The following SMOC1 variants were observed in gnomAD, a reference collection of about 807,000 sequenced individuals.
The protein encoded by SMOC1 is SPARC related modular calcium binding 1.
In SMOC1, 22 loss-of-function variants were observed where a neutral mutation model predicts 56.3. That is an observed-to-expected ratio of 0.39 (90% CI 0.28 to 0.56). SMOC1 has a LOEUF of 0.56. SMOC1 is among the 20% of genes least tolerant of loss of function. SMOC1 has a pLI of 0.61. For synonymous variants in SMOC1, 193 were observed against 215.0 expected, an observed-to-expected ratio of 0.90 and a Z score of 0.89; for missense variants, 509 against 565.4, an observed-to-expected ratio of 0.90 and a Z score of 1.01.
intron 1 of SMOC1, among the ~76,000 whole-genome samples, chr14:69,944,062 G>A (rs1347090876): frequency 6.6e-6 from 1 of 152,186 alleles, no homozygotes. Flanking sequence ...ATTCATTCAA[G>A]CCATACATAT....
chr14:70,030,307 A>G lies in SMOC1; in HGVS notation c.*49A>G. The stretch of plus-strand genomic sequence containing the variant: ...TGGAGAGTCCAGGGAGGCAGGATGG[A>G]TCACCAGACACCTAACCTTCAGCGT... On this transcript the variant is annotated 3_prime_UTR_variant, in exon 12 of 12. Transcript: ENST00000361956. The G allele has an allele frequency of 6.2e-7, 1 of 1,610,314 alleles. No individual in the cohort carries two copies. Among genetic ancestry groups the G allele is most frequent in the Non-Finnish European group, 8.5e-7 (1 of 1,178,392 alleles).
chr14:69,888,171 A>G (rs997803664), intron 1 of SMOC1, among the ~76,000 whole-genome samples: 9 of 152,272 alleles, frequency 5.9e-5, no homozygotes, highest in Middle Eastern at 3.4e-3. Context: ...GCCGCCAAAC[A>G]GGGTTAGATT....
chr14:70,021,595 G>A (rs896776919), intron 10 of SMOC1, among the ~76,000 whole-genome samples: 8 of 152,118 alleles, frequency 5.3e-5, no homozygotes, highest in African/African-American at 1.9e-4. Flanking sequence ...AGGTCCCCTT[G>A]GCAGATCCAC....
At position 69,879,512 on chromosome 14, in the gene SMOC1, A is replaced by G; in HGVS notation, c.-167A>G. ...CTCCAGCTCCCCTCCTGCGCGGTTCATGACTGTGTCCCCTGACCGCAGCCT... is the reference window on the plus strand; with the variant it reads ...CTCCAGCTCCCCTCCTGCGCGGTTCGTGACTGTGTCCCCTGACCGCAGCCT... On this transcript the variant is annotated 5_prime_UTR_variant, in exon 1 of 12. An upstream start codon of the reference 5' UTR is lost. Transcript: ENST00000361956. 4.2e-6 allele frequency: 2 copies of G among 478,122 alleles called. No homozygotes were observed. The highest frequency in any genetic ancestry group is 3.5e-6 in the Non-Finnish European group (1 of 286,450). 29.6% of individuals were successfully genotyped at this position (478,122 alleles called of 1,614,324 possible).
At position 69,992,483 on chromosome 14, in the gene SMOC1, T is replaced by C. The variant is rs770535227; in HGVS notation, c.583+10T>C. The C allele has an allele frequency of 6.2e-7, 1 of 1,606,606 alleles. No homozygotes were observed. Among genetic ancestry groups the C allele is most frequent in the South Asian group, 1.1e-5 (1 of 90,950 alleles). On this transcript the variant is annotated intron_variant, in intron 6 of 11. Transcript: ENST00000361956. The stretch of plus-strand genomic sequence containing the variant: ...GTGTTCGATGGAGATGGTAAGATCT[T>C]GCATTACTTCTGATGTTCATTCTCC...
chr14:69,948,423 G>A (rs1480706674), intron 1 of SMOC1, among the ~76,000 whole-genome samples: 1 of 152,150 alleles, frequency 6.6e-6, no homozygotes, highest in South Asian at 2.1e-4. Flanking sequence ...TGTGTGTTGG[G>A]ATGGGTGGGG....
intron 1 of SMOC1, among the ~76,000 whole-genome samples, chr14:69,898,982 G>C (rs1305556866): frequency 2.0e-5 from 3 of 152,108 alleles, no homozygotes; most frequent in African/African-American, 7.2e-5. Context: ...TTAGGTCTCA[G>C]TTTTTTGGTG....
intron 7 of SMOC1, among the ~76,000 whole-genome samples, chr14:70,002,577 A>G (rs930521084): frequency 6.6e-6 from 1 of 152,140 alleles, no homozygotes; most frequent in East Asian, 1.9e-4. Context: ...TCTGAGTCAC[A>G]TAGATGTTGA....
At chr14:69,931,117 C>T (rs191840024) in intron 1 of SMOC1, among the ~76,000 whole-genome samples, 6 of 152,324 alleles carry the variant, frequency 3.9e-5, no homozygotes, top group Non-Finnish European at 8.8e-5. Flanking sequence ...TCTTTCTGGG[C>T]CACAGAACTG....
intron 1 of SMOC1, among the ~76,000 whole-genome samples, chr14:69,892,152 T>C (rs1266461145): frequency 1.3e-5 from 2 of 152,228 alleles, no homozygotes; most frequent in Non-Finnish European, 2.9e-5. Flanking sequence ...GGTTTCTGTC[T>C]TTGGTGTCAG....
chr14:69,932,671 G>A (rs922973281), intron 1 of SMOC1, among the ~76,000 whole-genome samples: 1 of 152,200 alleles, frequency 6.6e-6, no homozygotes, highest in African/African-American at 2.4e-5. Flanking sequence ...GCGGCTTTGT[G>A]GTCCTGGGGA....
chr14:69,987,038 G>C (rs1403697989), intron 5 of SMOC1, among the ~76,000 whole-genome samples: 1 of 152,160 alleles, frequency 6.6e-6, no homozygotes. Context: ...GGCTCTTAAG[G>C]GACTTTTGCA....
intron 1 of SMOC1, among the ~76,000 whole-genome samples, chr14:69,910,735 A>G (rs1884536801): frequency 6.6e-6 from 1 of 152,118 alleles, no homozygotes; most frequent in Non-Finnish European, 1.5e-5. Context: ...GTCAAGTCAA[A>G]TGCACCTCTG....
rs371175969 is a variant in SMOC1 at position 69,955,799 on chromosome 14, T to A, written c.378+2267T>A. 8.8e-4 allele frequency among the ~76,000 whole-genome samples: 134 copies of A among 152,366 alleles called. 6 individuals carry two copies. In the South Asian group the frequency reaches 0.027, roughly 31 times the overall value. On this transcript the variant is annotated intron_variant, in intron 3 of 11. Transcript: ENST00000361956. The stretch of plus-strand genomic sequence containing the variant: ...ATTCTGGTAAAAAGAATGTGGGTGA[T>A]CTTTGTATATATTTAAAACTGCATT...
intron 7 of SMOC1, among the ~76,000 whole-genome samples, chr14:70,008,327 A>G (rs1230830470): frequency 6.6e-6 from 1 of 152,130 alleles, no homozygotes; most frequent in East Asian, 1.9e-4. Flanking sequence ...TTTTGTAAAG[A>G]CATAGTCTTG....
At chr14:70,019,230 A>C (rs1289571007) in intron 10 of SMOC1, among the ~76,000 whole-genome samples, 1 of 152,252 alleles carries the variant, frequency 6.6e-6, no homozygotes, top group East Asian at 1.9e-4. Context: ...TGGAGGCAGA[A>C]GTCAACAGGA....
intron 7 of SMOC1, among the ~76,000 whole-genome samples, chr14:70,002,779 GCTTGAAACCATAGGTGCTAAAACC>G (rs1177566298): frequency 1.3e-5 from 2 of 152,192 alleles, no homozygotes; most frequent in East Asian, 3.8e-4. Flanking sequence ...CACATAGTTG[GCTTGAAACCATAGGTGCTAAAACC>G]CCCTGTGGCT....
Position 70,023,291 on chromosome 14 carries a change from A to G in SMOC1, c.1135A>G (p.Ile379Val). 1 of 1,614,186 alleles carries G rather than the reference A, an allele frequency of 6.2e-7. No homozygotes were observed. The highest frequency in any genetic ancestry group is 8.5e-7 in the Non-Finnish European group (1 of 1,180,030). ...GCTGGACAGCAATAGCAGCAACGAC[A>G]TTAACAAGCGGGAGATGAAGCCCTT... ...SQLDSNSSNDINKREMKPFKR... is the reference protein window; with the variant it reads ...SQLDSNSSNDVNKREMKPFKR... The change falls in exon 11 of 12, where the codon ATT becomes GTT. Residue 379 changes from isoleucine to valine, a missense_variant. Around this residue, in one of 3 missense-constraint regions of SMOC1, gnomAD observed 176 missense variants for 188.1 expected, o/e 0.94. Transcript: ENST00000361956.
chr14:69,978,071 C>T, intron 5 of SMOC1, 106 bp downstream of exon 5: 2 of 890,682 alleles, frequency 2.2e-6, no homozygotes, highest in Admixed American at 3.5e-5. Flanking sequence ...CTAAGGTGTC[C>T]CGCAGAACAT....
Sources: allele counts gnomAD v4.1 joint callset (sites outside exome capture counted in the v4.1 genomes callset), GRCh38; gene constraint gnomAD v4.1.1; regional missense constraint gnomAD v4.1.1; transcripts MANE v1.5; gene names NCBI Gene and HGNC (gene_info 2026-07-23, HGNC 2026-07-21).